Variants in PARG observed in about 807,000 individuals in gnomAD.
PARG encodes mitochondrial poly(ADP-ribose) glycohydrolase.
A neutral mutation model predicts 113.0 loss-of-function variants in PARG; 35 were observed. That is an observed-to-expected ratio of 0.31 (90% confidence interval 0.24 to 0.41). PARG has a LOEUF of 0.41. Among genes scored for constraint, PARG ranks in the 10% least tolerant of loss-of-function variants. The pLI is 1.00. For synonymous variants in PARG, 330 were observed against 409.9 expected (o/e 0.81, Z 2.36); for missense variants, 797 against 1,169.4 (o/e 0.68, Z 4.64).
intron 7 of PARG, among the ~76,000 whole-genome samples, chr10:49,914,637 C>A (rs1403987155): frequency 6.6e-6 from 1 of 152,044 alleles, no homozygotes; most frequent in Non-Finnish European, 1.5e-5. Context: ...CCAAAAATAG[C>A]CAAAACAAAT....
At chr10:49,907,143 G>A (rs1319596167) in intron 7 of PARG, among the ~76,000 whole-genome samples, 1 of 152,136 alleles carries the variant, frequency 6.6e-6, no homozygotes, top group African/African-American at 2.4e-5. Flanking sequence ...CATTATGCTG[G>A]AAATGGCCCT....
intron 1 of PARG, among the ~76,000 whole-genome samples, 198 bp downstream of exon 1, chr10:49,941,309 CAG>C (rs1375480131): frequency 5.3e-5 from 8 of 152,154 alleles, no homozygotes; most frequent in African/African-American, 1.9e-4. Flanking sequence ...GACTGCTCAT[CAG>C]AGTTTCTCAC....
chr10:49,929,842 A>G (rs1339231593), intron 4 of PARG, among the ~76,000 whole-genome samples: 37 of 151,726 alleles, frequency 2.4e-4, no homozygotes, highest in African/African-American at 8.7e-4. Flanking sequence ...AAAAAAAAAA[A>G]AAGAAATACA....
intron 10 of PARG, among the ~76,000 whole-genome samples, chr10:49,868,214 C>T (rs1846614862): frequency 6.6e-6 from 1 of 152,188 alleles, no homozygotes; most frequent in Non-Finnish European, 1.5e-5. Flanking sequence ...GTCTGGAACT[C>T]CTGACCTCGT....
intron 13 of PARG, among the ~76,000 whole-genome samples, chr10:49,847,690 ATT>A (rs1554833560): frequency 7.4e-6 from 1 of 135,606 alleles, no homozygotes; most frequent in East Asian, 2.2e-4. Context: ...ACAAAATTAT[ATT>A]ATAATGTAGA....
chr10:49,825,982 C>T (rs1015216223), intron 16 of PARG, among the ~76,000 whole-genome samples: 3 of 152,154 alleles, frequency 2.0e-5, no homozygotes, highest in Admixed American at 6.5e-5. Flanking sequence ...TTTGCAATAT[C>T]AGTTGAGCAT....
At chr10:49,866,739 G>A (rs529190207) in intron 10 of PARG, among the ~76,000 whole-genome samples, 3 of 152,048 alleles carry the variant, frequency 2.0e-5, no homozygotes, top group Admixed American at 2.0e-4. Context: ...GCATTTTTTC[G>A]TAACAAGGCA....
Position 49,862,086 on chromosome 10 carries a change from C to T in PARG, c.2130-423G>A, listed in dbSNP as rs570407106. On this transcript the variant is annotated intron_variant, in intron 11 of 17. Coordinates refer to ENST00000616448, the MANE Select transcript of PARG (RefSeq NM_003631.5). ...TTTTCTATTTTCACTGTTTCATAAC[C>T]GTGTGTGTGTGTGTGTGTGTGTGTG... 8.4e-5 allele frequency among the ~76,000 whole-genome samples: 12 copies of T among 143,038 alleles called. No individual in the cohort carries two copies. The East Asian group carries it at 1.4e-3, about 17-fold the overall frequency. 93.8% of individuals were successfully genotyped at this position (143,038 alleles called of 152,430 possible).
At chr10:49,887,869 T>C (rs1190939756) in intron 7 of PARG, among the ~76,000 whole-genome samples, 5 of 152,226 alleles carry the variant, frequency 3.3e-5, no homozygotes, top group Admixed American at 2.6e-4. Flanking sequence ...TAGATGAATT[T>C]AGGTCATTTA....
At chr10:49,853,717 A>G (rs1255782572) in intron 13 of PARG, among the ~76,000 whole-genome samples, 1 of 152,230 alleles carries the variant, frequency 6.6e-6, no homozygotes, top group Non-Finnish European at 1.5e-5. Context: ...GGCTCTGTCC[A>G]GGAAAAAAAT....
At chr10:49,823,271 T>C (rs1217303316) in intron 16 of PARG, among the ~76,000 whole-genome samples, 3 of 152,172 alleles carry the variant, frequency 2.0e-5, no homozygotes, top group Non-Finnish European at 4.4e-5. Flanking sequence ...TTTTTATTTT[T>C]ATAAATTTGA....
In PARG at chr10:49,902,483, G is replaced by A. The variant is rs139713683; in HGVS notation, c.1737+13434C>T. The stretch of plus-strand genomic sequence containing the variant: ...AAAGAGGTAAATGGGCCCCTGAAGC[G>A]TGAACTTACAGAGCTCAGAAATCCA... On this transcript the variant is annotated intron_variant, in intron 7 of 17. Transcript: ENST00000616448. 1.6e-4 allele frequency among the ~76,000 whole-genome samples: 25 copies of A among 152,196 alleles called. 1 individual carries two copies. The East Asian group carries it at 3.7e-3, about 22-fold the overall frequency.
At chr10:49,827,549 A>C (rs1399681803) in intron 16 of PARG, among the ~76,000 whole-genome samples, 2 of 152,228 alleles carry the variant, frequency 1.3e-5, no homozygotes, top group Admixed American at 1.3e-4. Flanking sequence ...TAAATACCAC[A>C]GCTTCAGGCT....
At chr10:49,826,025 C>G (rs1844341796) in intron 16 of PARG, among the ~76,000 whole-genome samples, 1 of 152,000 alleles carries the variant, frequency 6.6e-6, no homozygotes, top group African/African-American at 2.4e-5. Flanking sequence ...TGAAATGCTC[C>G]AAAGAGCATT....
intron 16 of PARG, among the ~76,000 whole-genome samples, chr10:49,820,912 T>C (rs1844042637): frequency 6.6e-6 from 1 of 152,180 alleles, no homozygotes; most frequent in Non-Finnish European, 1.5e-5. Context: ...TCTATTAATC[T>C]GGAACTAAAA....
chr10:49,903,973 C>T (rs1458766177), intron 7 of PARG, among the ~76,000 whole-genome samples: 1 of 152,014 alleles, frequency 6.6e-6, no homozygotes, highest in Non-Finnish European at 1.5e-5. Context: ...ACACAGGGGT[C>T]GACTAGGTGA....
chr10:49,938,036 G>A (rs1421360442), intron 1 of PARG, among the ~76,000 whole-genome samples: 2 of 152,104 alleles, frequency 1.3e-5, no homozygotes, highest in African/African-American at 2.4e-5. Flanking sequence ...ACTAGAAATA[G>A]TCACAGCAAG....
intron 15 of PARG, among the ~76,000 whole-genome samples, chr10:49,839,268 C>T (rs1049261321): frequency 6.0e-5 from 9 of 151,014 alleles, no homozygotes; most frequent in East Asian, 3.9e-4. Context: ...ACCCGGGAGG[C>T]GGAAGTTGCA....
intron 1 of PARG, among the ~76,000 whole-genome samples, chr10:49,935,769 G>C (rs71243922): frequency 0.19 from 28,797 of 151,978 alleles, 3,279 homozygotes; most frequent in Non-Finnish European, 0.27. Flanking sequence ...TATAAGCAAA[G>C]GCACCAATAT....
Sources: allele counts gnomAD v4.1 joint callset (sites outside exome capture counted in the v4.1 genomes callset), GRCh38; gene constraint gnomAD v4.1.1; transcripts MANE v1.5; gene names NCBI Gene and HGNC (gene_info 2026-07-23, HGNC 2026-07-21).